KIF14: variants seen among roughly 807,000 people sequenced by gnomAD.
KIF14 encodes kinesin-like protein KIF14.
KIF14 carries 98 observed loss-of-function variants against 176.2 expected under a neutral mutation model. The ratio of observed to expected loss-of-function variants is 0.56; its 90% CI spans 0.47 to 0.66. The LOEUF is 0.66. Ranked by LOEUF, KIF14 falls within the 30% of genes least tolerant of loss-of-function variation. The probability of loss-of-function intolerance (pLI) is 0.00; values close to 1 mark genes in which losing one functional copy is unlikely to be tolerated. For synonymous variants in KIF14, 566 were observed against 632.2 expected (o/e 0.90, Z 1.57); for missense variants, 1,751 against 1,920.4 (o/e 0.91, Z 1.65).
chr1:200,553,742 GAGA>G lies in KIF14; in HGVS notation c.4590_4592del (p.Leu1531del). On this transcript the variant is annotated inframe_deletion, in exon 30 of 30. Transcript: ENST00000367350. ...TGCGAATACTTTCAACACAAGTCTG[GAGA>G]AGATTTATATCACTATGGCATCCTA... 2 of 1,605,870 alleles carry G rather than the reference GAGA, an allele frequency of 1.2e-6. No homozygotes were observed. Among genetic ancestry groups the G allele is most frequent in the Non-Finnish European group, 8.5e-7 (1 of 1,174,182 alleles).
intron 27 of KIF14, among the ~76,000 whole-genome samples, chr1:200,558,174 TCA>T (rs1656940054): frequency 6.6e-6 from 1 of 152,170 alleles, no homozygotes; most frequent in Non-Finnish European, 1.5e-5. Flanking sequence ...CAGGCTGGTT[TCA>T]TATTCTGGGC....
rs951442347 is a variant in KIF14 at position 200,610,886 on chromosome 1, G to C, written c.1456-1958C>G. Among the ~76,000 whole-genome samples the C allele has an allele frequency of 6.6e-5, 10 of 152,252 alleles. No individual in the cohort carries two copies. In the East Asian group the frequency reaches 1.4e-3, roughly 21 times the overall value. On this transcript the variant is annotated intron_variant, in intron 4 of 29. Coordinates refer to ENST00000367350, the MANE Select transcript of KIF14 (RefSeq NM_014875.3). ...ACAGAGTAGATTGAACCAGAAAGAG[G>C]GGGTAGGGCATTCTCGGGCAAGGAC...
intron 4 of KIF14, among the ~76,000 whole-genome samples, chr1:200,613,843 A>G (rs921958881): frequency 1.3e-5 from 2 of 152,244 alleles, no homozygotes; most frequent in African/African-American, 4.8e-5. Context: ...GTGTAAATGA[A>G]TAAGTGAAAT....
In KIF14 at chr1:200,583,229, T is replaced by A. The variant is rs193159398; in HGVS notation, c.3242-1935A>T. Among the ~76,000 whole-genome samples the A allele has an allele frequency of 5.9e-3, 891 of 152,052 alleles. 5 individuals are homozygous for A. Among genetic ancestry groups the A allele is most frequent in the Non-Finnish European group, 9.9e-3 (674 of 67,978 alleles). On this transcript the variant is annotated intron_variant, in intron 19 of 29. Coordinates refer to ENST00000367350, the MANE Select transcript of KIF14 (RefSeq NM_014875.3). The stretch of plus-strand genomic sequence containing the variant: ...GATTCAAACAAATCAAGTTTTTTTT[T>A]TAAAAAAAGGATGAAACAATCCAGG...
At chr1:200,562,787 C>T (rs747392843) in intron 25 of KIF14, among the ~76,000 whole-genome samples, 16 of 152,022 alleles carry the variant, frequency 1.1e-4, no homozygotes, top group African/African-American at 3.9e-4. Flanking sequence ...CACCCCGCCA[C>T]CCCTTGTTTT....
At chr1:200,561,217 A>AG (rs1657128617) in intron 25 of KIF14, among the ~76,000 whole-genome samples, 4 of 135,766 alleles carry the variant, frequency 2.9e-5, no homozygotes, top group African/African-American at 2.8e-5. Flanking sequence ...GTGACAGAGT[A>AG]AGACTCCATC....
At chr1:200,619,592 C>T (rs1371615197) in intron 1 of KIF14, among the ~76,000 whole-genome samples, 2 of 152,168 alleles carry the variant, frequency 1.3e-5, no homozygotes, top group East Asian at 3.9e-4. Flanking sequence ...ACCTTGTGAT[C>T]CGCCCGCCTC....
At chr1:200,594,419 C>A (rs1483305358) in intron 14 of KIF14, among the ~76,000 whole-genome samples, 6 of 148,036 alleles carry the variant, frequency 4.1e-5, no homozygotes, top group African/African-American at 1.0e-4. Flanking sequence ...AACATACTGC[C>A]AGTGATTTCT....
At chr1:200,566,362 G>A (rs1657450482) in intron 23 of KIF14, among the ~76,000 whole-genome samples, 1 of 151,554 alleles carries the variant, frequency 6.6e-6, no homozygotes, top group Non-Finnish European at 1.5e-5. Flanking sequence ...GGAGGCCGAG[G>A]CAGGCAGATC....
chr1:200,583,491 G>A (rs563893964), intron 19 of KIF14, among the ~76,000 whole-genome samples: 6 of 152,286 alleles, frequency 3.9e-5, no homozygotes, highest in African/African-American at 1.4e-4. Flanking sequence ...GATTGAACAT[G>A]TGTTGATAAT....
rs114719594 is a variant in KIF14 at position 200,562,350 on chromosome 1, T to C, written c.4072-1470A>G. On this transcript the variant is annotated intron_variant, in intron 25 of 29. Transcript: ENST00000367350. ...AAGAAGGAAAGAAACTACACACCAG[T>C]TACTCTAAGAGAGACATTCTTATAA... Among the ~76,000 whole-genome samples, 408 of 152,340 alleles carry C rather than the reference T, an allele frequency of 2.7e-3. 3 individuals are homozygous for C. Among genetic ancestry groups the C allele is most frequent in the African/African-American group, 9.5e-3 (393 of 41,582 alleles).
chr1:200,592,725 A>G (rs1323213191), intron 15 of KIF14, among the ~76,000 whole-genome samples: 2 of 152,246 alleles, frequency 1.3e-5, no homozygotes, highest in East Asian at 3.8e-4. Flanking sequence ...TGTTCTGAGA[A>G]GTACACTGTT....
In KIF14 at chr1:200,593,581, C is replaced by G. The variant is rs1659159960; in HGVS notation, c.2652+86G>C. 5.5e-6 allele frequency: 5 copies of G among 905,996 alleles called. No individual in the cohort carries two copies. In the East Asian group the frequency reaches 1.2e-4, roughly 22 times the overall value. 56.1% of individuals were successfully genotyped at this position (905,996 alleles called of 1,614,324 possible). On this transcript the variant is annotated intron_variant, in intron 15 of 29. Coordinates refer to ENST00000367350, the MANE Select transcript of KIF14 (RefSeq NM_014875.3). ...CCTTAATCTGCTTCAACACCCTTAT[C>G]TTATAGAGAAAACCAGAACTCAAAG...
At chr1:200,583,764 A>T (rs1009739716) in intron 19 of KIF14, among the ~76,000 whole-genome samples, 12 of 151,982 alleles carry the variant, frequency 7.9e-5, no homozygotes, top group Non-Finnish European at 1.8e-4. Context: ...CAACATGGTG[A>T]AACCCTGTCT....
chr1:200,616,176 C>T (rs562165387), intron 2 of KIF14, among the ~76,000 whole-genome samples: 1 of 152,196 alleles, frequency 6.6e-6, no homozygotes, highest in Admixed American at 6.5e-5. Flanking sequence ...TACTTTAGAT[C>T]TACAGAAAAA....
At chr1:200,604,075 C>CTT in intron 8 of KIF14, 120 bp from the exon 9 acceptor site, 1 of 609,810 alleles carries the variant, frequency 1.6e-6, no homozygotes. Context: ...ATAGTCTCTT[C>CTT]TTTTTTTTTG....
intron 14 of KIF14, among the ~76,000 whole-genome samples, chr1:200,594,122 A>G (rs1384278681): frequency 1.3e-5 from 2 of 151,670 alleles, no homozygotes; most frequent in Non-Finnish European, 1.5e-5. Flanking sequence ...TTTAGTAGAG[A>G]TGGGGTTTTG....
At position 200,575,593 on chromosome 1, in the gene KIF14, C is replaced by T. The variant is rs1325062440; in HGVS notation, c.3564G>A (p.Arg1188=). Residue 1188 remains arginine (R), a splice_region_variant and synonymous_variant, in exon 22 of 30, where the codon AGG becomes AGA. Transcript: ENST00000367350. The part of the protein sequence containing the change: ...TDAPVSSLSR[R]RSRSLMKNRR... ...ACTAGTAACAAAATTGTCTTTACCT[C>T]CTTCTAGAAAGTGAAGAAACTGGTG... is the stretch of plus-strand genomic sequence containing the variant. The T allele has an allele frequency of 6.4e-7, 1 of 1,573,144 alleles. No homozygotes were observed. The highest frequency in any genetic ancestry group is 8.7e-7 in the Non-Finnish European group (1 of 1,155,430).
chr1:200,618,549 T>C lies in KIF14; in HGVS notation c.175A>G (p.Lys59Glu). 1.9e-6 allele frequency: 3 copies of C among 1,614,210 alleles called. No homozygotes were observed. The highest frequency in any genetic ancestry group is 1.7e-6 in the Non-Finnish European group (2 of 1,180,014). The change falls in exon 2 of 30, where the codon AAA becomes GAA. Residue 59 changes from lysine (K) to glutamate (E), a missense_variant. Transcript: ENST00000367350. ...NDDPLLRSAG[K>E]VRDINRTYVI... ...TAAGTTCTATTTATGTCTCTGACTT[T>C]ACCTGCAGATCTCAATAATGGATCA... is the stretch of plus-strand genomic sequence containing the variant.
Sources: allele counts gnomAD v4.1 joint callset (sites outside exome capture counted in the v4.1 genomes callset), GRCh38; gene constraint gnomAD v4.1.1; transcripts MANE v1.5; gene names NCBI Gene and HGNC (gene_info 2026-07-23, HGNC 2026-07-21).